Variants in MASP1 observed in about 807,000 individuals in gnomAD.
MASP1 encodes the protein mannan-binding lectin serine protease 1.
Under a neutral mutation model 77.1 loss-of-function variants are expected in MASP1, and 59 were observed. That is an observed-to-expected ratio of 0.77 (90% CI 0.62 to 0.95). The LOEUF is 0.95. MASP1 is among the 40% of genes least tolerant of loss of function. MASP1 has a pLI of 0.00. For synonymous variants in MASP1, 362 were observed against 354.5 expected, an observed-to-expected ratio of 1.02 and a Z score of -0.24; for missense variants, 885 against 912.9, an observed-to-expected ratio of 0.97 and a Z score of 0.39.
chr3:187,243,771 G>T (rs1713853522), intron 8 of MASP1, 150 bp from the exon 9 acceptor site: 1 of 922,274 alleles, frequency 1.1e-6, no homozygotes, highest in Non-Finnish European at 1.7e-6. Flanking sequence ...CACCCCTGGG[G>T]TGTGCAGTGT....
At chr3:187,259,065 A>T (rs1273102092) in intron 4 of MASP1, among the ~76,000 whole-genome samples, 1 of 152,206 alleles carries the variant, frequency 6.6e-6, no homozygotes, top group East Asian at 1.9e-4. Flanking sequence ...TTCGTTCCCC[A>T]CTGCATTTAC....
At chr3:187,250,433 C>A in intron 7 of MASP1, 104 bp from the exon 8 acceptor site, 1 of 858,684 alleles carries the variant, frequency 1.2e-6, no homozygotes, top group Non-Finnish European at 2.0e-6. Flanking sequence ...GTCTTGATCT[C>A]GACTGAGATT....
chr3:187,243,364 T>C (rs760076094), intron 9 of MASP1, 120 bp downstream of exon 9: 77 of 1,018,384 alleles, frequency 7.6e-5, no homozygotes, highest in Non-Finnish European at 1.1e-4. Flanking sequence ...CGTTTTGCAT[T>C]ATCAGGCTCT....
rs72549261 is a variant in MASP1, at chr3:187,235,117, G to A, written c.*567C>T. 1.2e-3 allele frequency: 1,483 copies of A among 1,287,352 alleles called. 18 individuals are homozygous for A. Among genetic ancestry groups the A allele is most frequent in the South Asian group, 0.011 (871 of 80,932 alleles). The allele number at this position is 1,287,352 out of a possible 1,614,324, so 79.7% of individuals were successfully genotyped here. On this transcript the variant is annotated 3_prime_UTR_variant, in exon 11 of 11. Coordinates refer to ENST00000296280, the MANE Select transcript of MASP1 (RefSeq NM_139125.4). Reference sequence around the variant, plus strand: ...GGAGAGAAACCCCAGGCATGAAGGTGCTCCAAGGGATCACACTAAGAGAGA... The same window carrying A: ...GGAGAGAAACCCCAGGCATGAAGGTACTCCAAGGGATCACACTAAGAGAGA...
intron 4 of MASP1, 72 bp downstream of exon 4, chr3:187,260,669 T>G: frequency 6.2e-7 from 1 of 1,600,410 alleles, no homozygotes; most frequent in Admixed American, 1.7e-5. Context: ...TCTGTCTTTC[T>G]CTGAGCCTCA....
downstream of MASP1, chr3:187,234,070 A>G (rs949371694): frequency 8.1e-7 from 1 of 1,240,408 alleles, no homozygotes; most frequent in Non-Finnish European, 1.0e-6. Context: ...AACAAAACCC[A>G]TAAGCCAAGG....
At chr3:187,229,262 C>G (rs1478844812), downstream of MASP1, among the ~76,000 whole-genome samples, 1 of 152,106 alleles carries the variant, frequency 6.6e-6, no homozygotes, top group East Asian at 1.9e-4. Context: ...ATCCATCATA[C>G]CCTGTTCTTA....
intron 11 of MASP1, among the ~76,000 whole-genome samples, chr3:187,227,418 G>A (rs1396338427): frequency 6.6e-6 from 1 of 152,112 alleles, no homozygotes; most frequent in Non-Finnish European, 1.5e-5. Flanking sequence ...TTAATGCAGG[G>A]TCAGGCTTCC....
At chr3:187,290,637 C>G (rs7640998) in intron 1 of MASP1, among the ~76,000 whole-genome samples, 1 of 152,110 alleles carries the variant, frequency 6.6e-6, no homozygotes, top group South Asian at 2.1e-4. Context: ...TAGTCTGAAG[C>G]CTCTCATTGG....
At chr3:187,229,943 C>T (rs751200949), downstream of MASP1, 8 of 1,608,794 alleles carry the variant, frequency 5.0e-6, no homozygotes, top group Non-Finnish European at 6.8e-6. Context: ...CTCTGGGCTC[C>T]ATCTTGCCCA....
Position 187,236,028 on chromosome 3 carries a change from C to T in MASP1, c.1843G>A (p.Asp615Asn), listed in dbSNP as rs753746293. 6.2e-7 allele frequency: 1 copy of T among 1,614,222 alleles called. No homozygotes were observed. The highest frequency in any genetic ancestry group is 1.1e-5 in the South Asian group (1 of 91,082). Reference protein sequence around the residue: ...IISSGTRTLSDVLQYVKLPVV... With the variant: ...IISSGTRTLSNVLQYVKLPVV... ...GGTAACTTGACATACTGCAGGACAT[C>T]TGACAAGGTCCGTGTGCCACTGCTG... The change falls in exon 11 of 11, where the codon GAT becomes AAT. Residue 615 changes from aspartate (D) to asparagine (N), a missense_variant. By Grantham distance (23) the Asp-to-Asn change is conservative. Coordinates refer to ENST00000296280, the MANE Select transcript of MASP1 (RefSeq NM_139125.4).
rs146221005 is a variant in MASP1 at position 187,249,841 on chromosome 3, C to G, written c.1090+410G>C. 4.0e-4 allele frequency among the ~76,000 whole-genome samples: 61 copies of G among 152,292 alleles called. 3 individuals carry two copies. In the East Asian group the frequency reaches 0.012, roughly 29 times the overall value. On this transcript the variant is annotated intron_variant, in intron 8 of 10. Coordinates refer to ENST00000296280, the MANE Select transcript of MASP1 (RefSeq NM_139125.4). ...CACAGCCCTAAATCATGAGCTGTCT[C>G]AGAAGATGAAGGGGATATGGCTGAT... is the stretch of plus-strand genomic sequence containing the variant.
rs750779461 is a variant in MASP1, at chr3:187,251,673, T to C, written c.972A>G (p.Gln324=). 6.2e-7 allele frequency: 1 copy of C among 1,614,226 alleles called. No individual in the cohort carries two copies. The highest frequency in any genetic ancestry group is 8.5e-7 in the Non-Finnish European group (1 of 1,180,038). ...AGCCTGTGTCACAGCTGACGAGCAC[T>C]TGGTCTTTGAAGAAATACTTGGCTT... is the stretch of plus-strand genomic sequence containing the variant. ...PSQAKYFFKD[Q]VLVSCDTGYK... is the part of the protein sequence containing the mutation. The change falls in exon 7 of 11, where the codon CAA becomes CAG. Residue 324 remains glutamine (Q), a synonymous_variant. Coordinates refer to ENST00000296280, the MANE Select transcript of MASP1 (RefSeq NM_139125.4).
At chr3:187,243,021 G>A (rs2108524748) in intron 9 of MASP1, 2 of 280,930 alleles carry the variant, frequency 7.1e-6, no homozygotes, top group South Asian at 8.0e-5. Context: ...GTCTGGCCTG[G>A]TGAGATGTTG....
intron 11 of MASP1, among the ~76,000 whole-genome samples, chr3:187,227,090 G>T (rs1194697578): frequency 6.6e-6 from 1 of 152,240 alleles, no homozygotes; most frequent in Non-Finnish European, 1.5e-5. Context: ...AATGAAAAAA[G>T]AGTAAATCAG....
At chr3:187,272,708 T>A (rs1205690220) in intron 2 of MASP1, among the ~76,000 whole-genome samples, 1 of 152,070 alleles carries the variant, frequency 6.6e-6, no homozygotes, top group Non-Finnish European at 1.5e-5. Context: ...AAAGCTAGAA[T>A]AGGCAAGGAA....
rs190391055 is a variant in MASP1, at chr3:187,247,976, A to G, written c.1090+2275T>C. On this transcript the variant is annotated intron_variant, in intron 8 of 10. Transcript: ENST00000296280. ...TTAATCAGCGAATTTTAAGAAACAT[A>G]GAACTTGTAAGCCCCAGAAGCCTGG... Among the ~76,000 whole-genome samples, 11 of 152,268 alleles carry G rather than the reference A, an allele frequency of 7.2e-5. No individual in the cohort carries two copies. In the East Asian group the frequency reaches 2.1e-3, roughly 29 times the overall value.
At position 187,222,730 on chromosome 3, in the gene MASP1, A is replaced by G. The variant is rs556835833; in HGVS notation, c.1809+397T>C. On this transcript the variant is annotated intron_variant, in intron 14 of 15. Transcript: ENST00000337774. ...ATAGGAATATGAACTTCTAAGTGTA[A>G]CTGCCAAGTTCATTACTGCAAGGAC... Among the ~76,000 whole-genome samples, 4 of 151,334 alleles carry G rather than the reference A, an allele frequency of 2.6e-5. No homozygotes were observed. In the East Asian group the frequency reaches 7.8e-4, roughly 30 times the overall value.
At chr3:187,278,314 T>C (rs1264688466) in intron 2 of MASP1, among the ~76,000 whole-genome samples, 2 of 152,330 alleles carry the variant, frequency 1.3e-5, no homozygotes, top group East Asian at 1.9e-4. Context: ...TAGACCCTCA[T>C]GTCATTCAAA....
Sources: allele counts gnomAD v4.1 joint callset (sites outside exome capture counted in the v4.1 genomes callset), GRCh38; gene constraint gnomAD v4.1.1; transcripts MANE v1.5; gene names NCBI Gene and HGNC (gene_info 2026-07-23, HGNC 2026-07-21).